ARHGEF4: variants seen among roughly 807,000 people sequenced by gnomAD.
ARHGEF4 encodes Rho guanine nucleotide exchange factor 4, also known as APC-stimulated guanine nucleotide exchange factor 1.
ARHGEF4 carries 119 observed loss-of-function variants against 162.0 expected under a neutral mutation model. That is an observed-to-expected ratio of 0.73 (90% CI 0.63 to 0.86). The LOEUF is 0.86. Ranked by LOEUF, ARHGEF4 falls within the 40% of genes least tolerant of loss-of-function variation. The probability of loss-of-function intolerance (pLI) is 0.00; values close to 1 mark genes in which losing one functional copy is unlikely to be tolerated. For synonymous variants in ARHGEF4, 1,014 were observed against 979.9 expected (o/e 1.03, Z -0.65); for missense variants, 2,488 against 2,456.0 (o/e 1.01, Z -0.28).
At chr2:130,948,295 T>G (rs1683744384) in intron 4 of ARHGEF4, among the ~76,000 whole-genome samples, 1 of 152,230 alleles carries the variant, frequency 6.6e-6, no homozygotes, top group Non-Finnish European at 1.5e-5. Flanking sequence ...GTATTTAGGC[T>G]GCACTGTGAA....
chr2:130,852,284 G>T (rs62162119), intron 1 of ARHGEF4, among the ~76,000 whole-genome samples: 5,249 of 152,326 alleles, frequency 0.034, 107 homozygotes, highest in Middle Eastern at 0.082. Flanking sequence ...CATGGCTGGT[G>T]TGGGGAGCCC....
intron 5 of ARHGEF4, among the ~76,000 whole-genome samples, chr2:131,031,712 GT>G (rs1195757548): frequency 6.6e-6 from 1 of 152,214 alleles, no homozygotes; most frequent in African/African-American, 2.4e-5. Context: ...GCCCAGGAGT[GT>G]ACTCTCTTCT....
chr2:130,851,548 C>T (rs985772067), intron 1 of ARHGEF4, among the ~76,000 whole-genome samples: 16 of 152,200 alleles, frequency 1.1e-4, no homozygotes, highest in African/African-American at 3.6e-4. Context: ...CCTGAGTGGG[C>T]GGCTGCACAT....
At chr2:130,905,742 T>A (rs1460190674) in intron 1 of ARHGEF4, among the ~76,000 whole-genome samples, 7 of 152,246 alleles carry the variant, frequency 4.6e-5, no homozygotes, top group African/African-American at 1.7e-4. Context: ...TATATTGTTA[T>A]AATTACTCTT....
intron 4 of ARHGEF4, among the ~76,000 whole-genome samples, chr2:130,948,294 C>G (rs1683744218): frequency 6.6e-6 from 1 of 152,236 alleles, no homozygotes; most frequent in Non-Finnish European, 1.5e-5. Flanking sequence ...TGTATTTAGG[C>G]TGCACTGTGA....
At chr2:130,875,677 C>A (rs1428807377) in intron 1 of ARHGEF4, among the ~76,000 whole-genome samples, 1 of 152,202 alleles carries the variant, frequency 6.6e-6, no homozygotes, top group Non-Finnish European at 1.5e-5. Flanking sequence ...TCGCCACCTC[C>A]CAACACTGCC....
chr2:130,964,055 A>G, intron 4 of ARHGEF4: 1 of 573,552 alleles, frequency 1.7e-6, no homozygotes. Context: ...GTGCGGGCGC[A>G]GCAATGCCCC....
chr2:131,039,953 C>G (rs1573699959), intron 6 of ARHGEF4, 63 bp from the exon 7 acceptor site: 11 of 1,526,122 alleles, frequency 7.2e-6, no homozygotes, highest in Non-Finnish European at 9.6e-6. Context: ...GCCGCTGCGG[C>G]GCAGGGCGCG....
Position 131,039,017 on chromosome 2 carries a change from A to C in ARHGEF4, c.4290A>C (p.Pro1430=), listed in dbSNP as rs1690533844. Residue 1430 remains proline (P), a synonymous_variant, in exon 6 of 14, where the codon CCA becomes CCC. Transcript: ENST00000409359. ...TCGCCGATGGCGAGGGCTGGTTTCC[A>C]GCCAGCTTCGTTCGGGTATGGTTCC... ...GRVADGEGWF[P]ASFVRLRVNQ... The C allele has an allele frequency of 1.2e-6, 2 of 1,612,722 alleles. No individual in the cohort carries two copies. The highest frequency in any genetic ancestry group is 1.7e-6 in the Non-Finnish European group (2 of 1,179,558).
chr2:131,038,879 C>T lies in ARHGEF4; in HGVS notation c.4152C>T (p.Cys1384=), dbSNP rs146135621. 90 of 1,612,890 alleles carry T rather than the reference C, an allele frequency of 5.6e-5. No homozygotes were observed. The Admixed American group carries it at 7.8e-4, about 14-fold the overall frequency. ...NELISDGSVV[C]AEALWDHVTM... ...TCATCAGCGATGGCAGTGTGGTCTGCGCTGAAGCACTCTGGGACCATGTCA... is the reference window on the plus strand; with the variant it reads ...TCATCAGCGATGGCAGTGTGGTCTGTGCTGAAGCACTCTGGGACCATGTCA... The change falls in exon 6 of 14, where the codon TGC becomes TGT. Residue 1384 remains cysteine, a synonymous_variant. Transcript: ENST00000409359.
At chr2:130,867,721 C>T (rs533923892) in intron 1 of ARHGEF4, among the ~76,000 whole-genome samples, 5 of 152,194 alleles carry the variant, frequency 3.3e-5, no homozygotes, top group Admixed American at 2.6e-4. Context: ...AGGGCTTTCT[C>T]ATCTGTGCCC....
intron 4 of ARHGEF4, among the ~76,000 whole-genome samples, chr2:131,001,758 A>G (rs1419728687): frequency 2.0e-5 from 3 of 152,210 alleles, no homozygotes; most frequent in Non-Finnish European, 4.4e-5. Flanking sequence ...TACATGTAGG[A>G]CGATCATATT....
chr2:130,995,829 A>C (rs957748261), intron 4 of ARHGEF4, among the ~76,000 whole-genome samples: 1 of 149,544 alleles, frequency 6.7e-6, no homozygotes, highest in African/African-American at 2.5e-5. Flanking sequence ...CCCTTGGGGC[A>C]CTCTTGCATC....
intron 6 of ARHGEF4, chr2:131,039,284 C>A: frequency 1.6e-6 from 2 of 1,272,454 alleles, no homozygotes; most frequent in East Asian, 3.1e-5. Context: ...CACTAGGCAC[C>A]CCTCTGCGAT....
intron 2 of ARHGEF4, among the ~76,000 whole-genome samples, chr2:130,925,818 A>G (rs1641356700): frequency 6.6e-6 from 1 of 152,154 alleles, no homozygotes; most frequent in Non-Finnish European, 1.5e-5. Context: ...GATTTATACT[A>G]TGTGGACTTT....
chr2:130,902,782 G>T (rs1410428681), intron 1 of ARHGEF4, among the ~76,000 whole-genome samples: 1 of 152,174 alleles, frequency 6.6e-6, no homozygotes, highest in Non-Finnish European at 1.5e-5. Flanking sequence ...CCATCCTTCA[G>T]TTATCGTTTA....
intron 1 of ARHGEF4, among the ~76,000 whole-genome samples, chr2:130,888,301 G>A (rs938887978): frequency 5.3e-5 from 8 of 151,888 alleles, no homozygotes; most frequent in Non-Finnish European, 5.9e-5. Context: ...GTGAAACCCC[G>A]TCTCTACTAA....
intron 1 of ARHGEF4, among the ~76,000 whole-genome samples, chr2:130,886,926 A>G (rs150426809): frequency 9.2e-5 from 14 of 152,074 alleles, no homozygotes; most frequent in African/African-American, 2.2e-4. Context: ...TGTGGCACCA[A>G]CAAAGCAATC....
At chr2:130,847,598 T>C (rs182368333) in intron 1 of ARHGEF4, among the ~76,000 whole-genome samples, 178 of 152,358 alleles carry the variant, frequency 1.2e-3, no homozygotes, top group African/African-American at 4.1e-3. Flanking sequence ...TGCTCAATGC[T>C]GTGGCCCCAG....
Sources: allele counts gnomAD v4.1 joint callset (sites outside exome capture counted in the v4.1 genomes callset), GRCh38; gene constraint gnomAD v4.1.1; transcripts MANE v1.5; gene names NCBI Gene and HGNC (gene_info 2026-07-23, HGNC 2026-07-21).